SEC24A: variants seen among roughly 807,000 people sequenced by gnomAD.
The protein encoded by SEC24A is protein transport protein Sec24A.
In SEC24A, 93 loss-of-function variants were observed where a neutral mutation model predicts 129.4. That is an observed-to-expected ratio of 0.72 (90% CI 0.61 to 0.85). The LOEUF is 0.85. Ranked by LOEUF, SEC24A falls within the 40% of genes least tolerant of loss-of-function variation. The pLI, the probability that SEC24A is intolerant of heterozygous loss-of-function variation, is 0.00. For missense variants in SEC24A, 1,264 were observed against 1,307.4 expected, an observed-to-expected ratio of 0.97 and a Z score of 0.51; for synonymous variants, 460 against 467.3, an observed-to-expected ratio of 0.98 and a Z score of 0.20.
chr5:134,656,386 T>G, intron 1 of SEC24A, among the ~76,000 whole-genome samples: 1 of 151,944 alleles, frequency 6.6e-6, no homozygotes, highest in East Asian at 1.9e-4. Flanking sequence ...CGCAGATAAA[T>G]ATCTTTATAC....
At chr5:134,669,678 T>C (rs1383176279) in intron 3 of SEC24A, among the ~76,000 whole-genome samples, 2 of 151,116 alleles carry the variant, frequency 1.3e-5, no homozygotes, top group East Asian at 3.9e-4. Context: ...GAGGTTTCAC[T>C]GTGTTAGCCA....
intron 16 of SEC24A, among the ~76,000 whole-genome samples, chr5:134,705,103 T>A (rs925066799): frequency 7.5e-4 from 105 of 140,432 alleles, no homozygotes; most frequent in African/African-American, 2.5e-3. Context: ...TTTTTTTTTT[T>A]AATTAATTTA....
At chr5:134,683,668 C>G (rs920792374) in intron 9 of SEC24A, among the ~76,000 whole-genome samples, 2 of 152,176 alleles carry the variant, frequency 1.3e-5, no homozygotes, top group African/African-American at 4.8e-5. Context: ...CATGCACCAC[C>G]ATGCCCTGCT....
chr5:134,693,441 T>G (rs762442978), intron 12 of SEC24A: 18 of 1,367,094 alleles, frequency 1.3e-5, no homozygotes, highest in Non-Finnish European at 1.7e-5. Flanking sequence ...ATACATCAAA[T>G]CTCTAAACTG....
At position 134,661,273 on chromosome 5, in the gene SEC24A, G is replaced by A. The variant is rs1301083320; in HGVS notation, c.252G>A (p.Gln84=). 2 of 1,614,130 alleles carry A rather than the reference G, an allele frequency of 1.2e-6. No homozygotes were observed. Among genetic ancestry groups the A allele is most frequent in the Non-Finnish European group, 1.7e-6 (2 of 1,180,030 alleles). ...SNYGGSQGSG[Q]TLNRPPVASN... Reference sequence around the variant, plus strand: ...ATGGTGGTTCTCAGGGATCTGGGCAGACTCTTAATAGACCACCTGTGGCCT... The same window carrying A: ...ATGGTGGTTCTCAGGGATCTGGGCAAACTCTTAATAGACCACCTGTGGCCT... Residue 84 remains glutamine (Q), a synonymous_variant, in exon 2 of 23, where the codon CAG becomes CAA. Transcript: ENST00000398844.
intron 11 of SEC24A, among the ~76,000 whole-genome samples, chr5:134,688,719 G>A (rs545498205): frequency 2.0e-5 from 3 of 149,226 alleles, no homozygotes; most frequent in South Asian, 2.1e-4. Context: ...TCACTCTGTC[G>A]CCCAGGCTGT....
chr5:134,683,312 C>T (rs113613316), intron 9 of SEC24A, among the ~76,000 whole-genome samples: 6,404 of 152,244 alleles, frequency 0.042, 423 homozygotes, highest in African/African-American at 0.14. Flanking sequence ...AGCCACCGTG[C>T]CCGGCCAGCT....
At chr5:134,719,398 AAAG>A (rs1554142527) in intron 20 of SEC24A, among the ~76,000 whole-genome samples, 49 of 149,824 alleles carry the variant, frequency 3.3e-4, no homozygotes, top group Admixed American at 9.4e-4. Context: ...AAAAAAAAAA[AAAG>A]AAGAAGTTGG....
intron 8 of SEC24A, among the ~76,000 whole-genome samples, chr5:134,681,166 G>T (rs1475167961): frequency 1.3e-5 from 2 of 150,048 alleles, no homozygotes; most frequent in Admixed American, 1.3e-4. Flanking sequence ...GGGAGGCTGA[G>T]GTGGGTGGAT....
intron 3 of SEC24A, among the ~76,000 whole-genome samples, chr5:134,670,700 A>T (rs1203174636): frequency 6.6e-6 from 1 of 152,122 alleles, no homozygotes; most frequent in African/African-American, 2.4e-5. Context: ...AGATATTTTG[A>T]AAATAAGGGC....
At position 134,720,006 on chromosome 5, in the gene SEC24A, G is replaced by A. The variant is rs188264843; in HGVS notation, c.2971-992G>A. Among the ~76,000 whole-genome samples the A allele has an allele frequency of 4.8e-3, 733 of 152,216 alleles. 4 individuals carry two copies. The highest frequency in any genetic ancestry group is 7.4e-3 in the Non-Finnish European group (505 of 68,006). ...GTCTCAAAAAAAAAAATTAAAAGAA[G>A]TTTATAAAGTTATAGTAAACTACGA... On this transcript the variant is annotated intron_variant, in intron 20 of 22. Transcript: ENST00000398844.
At chr5:134,655,070 A>G (rs991853505) in intron 1 of SEC24A, among the ~76,000 whole-genome samples, 4 of 151,938 alleles carry the variant, frequency 2.6e-5, no homozygotes, top group African/African-American at 9.7e-5. Flanking sequence ...CAAAATCCTG[A>G]CCTCAGGTGA....
At chr5:134,699,564 G>A (rs1751938981) in intron 15 of SEC24A, among the ~76,000 whole-genome samples, 1 of 152,026 alleles carries the variant, frequency 6.6e-6, no homozygotes, top group Non-Finnish European at 1.5e-5. Context: ...CTCCCAAAGT[G>A]CTGGGATTAC....
intron 3 of SEC24A, among the ~76,000 whole-genome samples, 153 bp from the exon 4 acceptor site, chr5:134,671,656 T>C (rs1750867744): frequency 6.6e-6 from 1 of 152,226 alleles, no homozygotes; most frequent in African/African-American, 2.4e-5. Flanking sequence ...ATCGTATATG[T>C]AAAAACTTGG....
chr5:134,672,880 C>T (rs1040135944), intron 4 of SEC24A, among the ~76,000 whole-genome samples: 1 of 151,628 alleles, frequency 6.6e-6, no homozygotes, highest in African/African-American at 2.4e-5. Flanking sequence ...GGACTATAGG[C>T]ATATGGTACC....
chr5:134,674,640 T>A lies in SEC24A; in HGVS notation c.843T>A (p.Asn281Lys). The change falls in exon 5 of 23, where the codon AAT becomes AAA. Residue 281 changes from asparagine to lysine, a missense_variant. Transcript: ENST00000398844. Reference protein sequence around the residue: ...LLATPQLTNKNPKMSRSVGYS... With the variant: ...LLATPQLTNKKPKMSRSVGYS... ...CAACACCACAGCTTACTAACAAGAA[T>A]CCCAAAATGAGCCGAAGTGTTGGAT... is the stretch of plus-strand genomic sequence containing the variant. The A allele has an allele frequency of 4.3e-6, 7 of 1,613,790 alleles. No homozygotes were observed. The highest frequency in any genetic ancestry group is 5.9e-6 in the Non-Finnish European group (7 of 1,179,812).
intron 1 of SEC24A, among the ~76,000 whole-genome samples, chr5:134,652,149 T>C (rs1750078191): frequency 6.6e-6 from 1 of 151,646 alleles, no homozygotes; most frequent in South Asian, 2.1e-4. Context: ...CTCAAACTCC[T>C]GACCTCAGGT....
At chr5:134,699,380 G>A (rs1751932290) in intron 15 of SEC24A, among the ~76,000 whole-genome samples, 1 of 149,104 alleles carries the variant, frequency 6.7e-6, no homozygotes, top group Non-Finnish European at 1.5e-5. Context: ...CTCACTGCAA[G>A]CTCCGCCTCC....
At chr5:134,718,025 A>G (rs1752528605) in intron 19 of SEC24A, 44 bp from the exon 20 acceptor site, 1 of 1,448,574 alleles carries the variant, frequency 6.9e-7, no homozygotes, top group Non-Finnish European at 9.7e-7. Flanking sequence ...GTGACTCCAT[A>G]TTTCCTATAT....
Sources: gnomAD v4.1 joint callset for allele counts (sites outside exome capture counted in the v4.1 genomes callset) on GRCh38, gnomAD v4.1.1 for gene constraint, MANE v1.5 for transcripts, NCBI Gene and HGNC (gene_info 2026-07-23, HGNC 2026-07-21) for gene names.